Variants in NELL1 observed in about 807,000 individuals in gnomAD.
NELL1 encodes neural EGFL like 1.
In NELL1, 76 loss-of-function variants were observed where a neutral mutation model predicts 107.4. The ratio of observed to expected loss-of-function variants is 0.71; its 90% CI spans 0.59 to 0.86. The LOEUF is 0.86. Ranked by LOEUF, NELL1 falls within the 40% of genes least tolerant of loss-of-function variation. The probability of loss-of-function intolerance (pLI) is 0.00; values close to 1 mark genes in which losing one functional copy is unlikely to be tolerated. For missense variants in NELL1, 1,024 were observed against 1,005.5 expected (o/e 1.02, Z -0.25); for synonymous variants, 353 against 341.2 (o/e 1.03, Z -0.38).
intron 15 of NELL1, among the ~76,000 whole-genome samples, chr11:21,408,735 C>A (rs1852294176): frequency 6.6e-6 from 1 of 152,042 alleles, no homozygotes. Context: ...GACATGAAGT[C>A]TTTGCCCATG....
intron 8 of NELL1, among the ~76,000 whole-genome samples, chr11:20,927,852 T>C (rs2134172583): frequency 6.6e-6 from 1 of 152,344 alleles, no homozygotes; most frequent in South Asian, 2.1e-4. Flanking sequence ...CCATCACCTG[T>C]TTCAAATAAT....
intron 10 of NELL1, among the ~76,000 whole-genome samples, chr11:20,945,881 T>G (rs927772337): frequency 2.0e-5 from 3 of 152,202 alleles, no homozygotes; most frequent in Admixed American, 6.5e-5. Context: ...TTCTCAGGTC[T>G]TAGGGACAAT....
At chr11:21,097,906 A>T (rs1156612255) in intron 12 of NELL1, among the ~76,000 whole-genome samples, 2 of 152,144 alleles carry the variant, frequency 1.3e-5, no homozygotes, top group Non-Finnish European at 2.9e-5. Flanking sequence ...ACTGCTCTCA[A>T]ATGCACATAT....
intron 15 of NELL1, among the ~76,000 whole-genome samples, chr11:21,529,403 A>G (rs1373358114): frequency 6.6e-6 from 1 of 152,220 alleles, no homozygotes; most frequent in Non-Finnish European, 1.5e-5. Context: ...AGATAGAAGA[A>G]CTAGCCTGTT....
At chr11:21,256,368 T>C (rs1226731091) in intron 14 of NELL1, among the ~76,000 whole-genome samples, 2 of 152,034 alleles carry the variant, frequency 1.3e-5, no homozygotes, top group African/African-American at 4.8e-5. Context: ...TTAACAGAAC[T>C]GAAGAGCTAC....
chr11:21,019,453 G>C (rs992921977), intron 12 of NELL1, among the ~76,000 whole-genome samples: 2 of 152,080 alleles, frequency 1.3e-5, no homozygotes, highest in Non-Finnish European at 2.9e-5. Flanking sequence ...AAAGAGTAGA[G>C]TCATTCTGCA....
At chr11:20,931,607 TG>T (rs1850620491) in intron 9 of NELL1, among the ~76,000 whole-genome samples, 1 of 152,118 alleles carries the variant, frequency 6.6e-6, no homozygotes, top group African/African-American at 2.4e-5. Flanking sequence ...AAGAAAAAAT[TG>T]TATCTTGTAT....
At chr11:21,074,958 A>C (rs942248909) in intron 12 of NELL1, among the ~76,000 whole-genome samples, 9 of 152,276 alleles carry the variant, frequency 5.9e-5, no homozygotes, top group Admixed American at 5.9e-4. Context: ...CAGATTTTAA[A>C]AATTAATTTT....
intron 2 of NELL1, among the ~76,000 whole-genome samples, chr11:20,745,578 A>G (rs372281489): frequency 6.6e-6 from 1 of 152,226 alleles, no homozygotes; most frequent in South Asian, 2.1e-4. Context: ...TTGACTGTTA[A>G]CAAATTACAG....
intron 13 of NELL1, among the ~76,000 whole-genome samples, chr11:21,192,691 A>G (rs1297162605): frequency 6.6e-6 from 1 of 151,828 alleles, no homozygotes; most frequent in East Asian, 1.9e-4. Context: ...CTTCCTATGG[A>G]AATTTTAAGA....
At chr11:21,265,961 G>C (rs759527447) in intron 14 of NELL1, among the ~76,000 whole-genome samples, 2 of 151,790 alleles carry the variant, frequency 1.3e-5, no homozygotes, top group Non-Finnish European at 2.9e-5. Context: ...CTTCCTTTCA[G>C]CCAAACAGGA....
chr11:20,903,640 T>C (rs1849927852), intron 5 of NELL1, among the ~76,000 whole-genome samples: 1 of 152,142 alleles, frequency 6.6e-6, no homozygotes, highest in Non-Finnish European at 1.5e-5. Flanking sequence ...AATTAGCTTC[T>C]AATTAGTGAC....
At chr11:20,949,199 A>C (rs923333984) in intron 11 of NELL1, among the ~76,000 whole-genome samples, 1 of 152,164 alleles carries the variant, frequency 6.6e-6, no homozygotes, top group Non-Finnish European at 1.5e-5. Context: ...TGGTGTATGA[A>C]AATGTTGTAT....
At chr11:20,846,510 A>C (rs1544971) in intron 3 of NELL1, among the ~76,000 whole-genome samples, 50,951 of 151,912 alleles carry the variant, frequency 0.34, 9,904 homozygotes, top group African/African-American at 0.53. Flanking sequence ...TCTGGAGTTG[A>C]CCATATGAAT....
chr11:21,007,792 AC>A (rs1395504794), intron 12 of NELL1, among the ~76,000 whole-genome samples: 2 of 152,094 alleles, frequency 1.3e-5, no homozygotes, highest in African/African-American at 4.8e-5. Context: ...ATGCCCACTT[AC>A]AAAAAAGACA....
At chr11:20,778,498 C>CTTTTTTTT (rs1161737750) in intron 2 of NELL1, among the ~76,000 whole-genome samples, 5 of 73,020 alleles carry the variant, frequency 6.8e-5, no homozygotes, top group Admixed American at 1.5e-4. Flanking sequence ...TCACCCAGCA[C>CTTTTTTTT]TTTTTTTTTT....
intron 12 of NELL1, among the ~76,000 whole-genome samples, chr11:21,045,406 G>A (rs1004185293): frequency 6.6e-6 from 1 of 152,046 alleles, no homozygotes; most frequent in African/African-American, 2.4e-5. Flanking sequence ...TATTTTGAGT[G>A]TTTTTCAAAT....
intron 12 of NELL1, among the ~76,000 whole-genome samples, chr11:21,055,922 A>G (rs2134354651): frequency 6.6e-6 from 1 of 152,326 alleles, no homozygotes; most frequent in East Asian, 1.9e-4. Context: ...GCTAAACAGC[A>G]ATATTGACTT....
rs1854297201 is a variant in NELL1, at chr11:21,082,672, C to T, written c.1301-30917C>T. On this transcript the variant is annotated intron_variant, in intron 12 of 19. Coordinates refer to ENST00000357134, the MANE Select transcript of NELL1 (RefSeq NM_006157.5). The stretch of plus-strand genomic sequence containing the variant: ...GGATCTGGTTCCTATGCTATTTTTT[C>T]TCAGACTTATCTCTGTCTATTCCAT... 2.0e-5 allele frequency among the ~76,000 whole-genome samples: 3 copies of T among 152,264 alleles called. No individual in the cohort carries two copies. The South Asian group carries it at 6.2e-4, about 32-fold the overall frequency.
Sources: gnomAD v4.1 joint callset for allele counts (sites outside exome capture counted in the v4.1 genomes callset) on GRCh38, gnomAD v4.1.1 for gene constraint, MANE v1.5 for transcripts, NCBI Gene and HGNC (gene_info 2026-07-23, HGNC 2026-07-21) for gene names.